Variants in CAMTA1 observed in about 807,000 individuals in gnomAD.
The protein encoded by CAMTA1 is calmodulin binding transcription activator 1.
CAMTA1 carries 27 observed loss-of-function variants against 170.9 expected under a neutral mutation model. That is an observed-to-expected ratio of 0.16 (90% CI 0.12 to 0.22). The LOEUF is 0.22. Ranked by LOEUF, CAMTA1 falls within the 10% of genes least tolerant of loss-of-function variation. The pLI is 1.00. For synonymous variants in CAMTA1, 833 were observed against 891.5 expected, an observed-to-expected ratio of 0.93 and a Z score of 1.17; for missense variants, 1,619 against 2,217.2, an observed-to-expected ratio of 0.73 and a Z score of 5.42.
intron 5 of CAMTA1, among the ~76,000 whole-genome samples, chr1:7,339,549 C>T (rs953888342): frequency 2.0e-5 from 3 of 152,118 alleles, no homozygotes; most frequent in Admixed American, 2.0e-4. Flanking sequence ...TCTCAAAGCA[C>T]GTTCATGCTG....
intron 3 of CAMTA1, chr1:6,888,303 A>G: frequency 1.0e-6 from 1 of 959,406 alleles, no homozygotes. Flanking sequence ...TTTGGAAAGA[A>G]GCATAAAGCT....
In CAMTA1 at chr1:7,661,790, G is replaced by A; in HGVS notation, c.729G>A (p.Leu243=). 6.2e-7 allele frequency: 1 copy of A among 1,613,282 alleles called. No homozygotes were observed. The highest frequency in any genetic ancestry group is 8.5e-7 in the Non-Finnish European group (1 of 1,179,816). Residue 243 remains leucine (L), a synonymous_variant, in exon 8 of 23, where the codon CTG becomes CTA. Transcript: ENST00000303635. ...GCTCAGGCTTCTCGGTGGAACAGCT[G>A]GTGCAGCAGATCCTCGACAGCCACC... ...NSSSGFSVEQ[L]VQQILDSHQT... is the part of the protein sequence containing the mutation.
intron 3 of CAMTA1, among the ~76,000 whole-genome samples, chr1:6,881,180 T>C (rs1306417757): frequency 6.6e-6 from 1 of 152,210 alleles, no homozygotes. Context: ...CTGTGGTATT[T>C]TGTTTCTCTT....
chr1:6,824,134 T>C (rs1009235665), intron 2 of CAMTA1, among the ~76,000 whole-genome samples: 8 of 152,182 alleles, frequency 5.3e-5, no homozygotes, highest in Non-Finnish European at 1.0e-4. Flanking sequence ...GATGTTTTAA[T>C]GTGCAGCTCC....
chr1:7,687,173 A>G (rs1057282510), intron 11 of CAMTA1, among the ~76,000 whole-genome samples: 1 of 151,742 alleles, frequency 6.6e-6, no homozygotes, highest in African/African-American at 2.4e-5. Context: ...AGCAGAGGAG[A>G]GGCTGCAGGA....
At position 7,007,827 on chromosome 1, in the gene CAMTA1, C is replaced by G. The variant is rs1029288208; in HGVS notation, c.235-83477C>G. The stretch of plus-strand genomic sequence containing the variant: ...CCAGGGAGCATTCCATCAGCCCCAC[C>G]TCTCCAGAGGCCCGGCACACAGTAG... On this transcript the variant is annotated intron_variant, in intron 3 of 22. Transcript: ENST00000303635. This position sits in a 1 kb window ranked among gnomAD's most constrained non-coding sequence, Gnocchi z 4.5. Among the ~76,000 whole-genome samples the G allele has an allele frequency of 7.2e-5, 11 of 152,220 alleles. No individual in the cohort carries two copies. The highest frequency in any genetic ancestry group is 2.9e-5 in the Non-Finnish European group (2 of 68,044).
chr1:7,051,563 C>A (rs1156931018), intron 3 of CAMTA1, among the ~76,000 whole-genome samples: 4 of 151,936 alleles, frequency 2.6e-5, no homozygotes, highest in African/African-American at 9.7e-5. Flanking sequence ...TCTTGAGCTG[C>A]TTCAGGTGCC....
rs1327510997 is a variant in CAMTA1, at chr1:7,299,767, G to C, written c.438+50141G>C. 6.6e-6 allele frequency among the ~76,000 whole-genome samples: 1 copy of C among 152,162 alleles called. No individual in the cohort carries two copies. The highest frequency in any genetic ancestry group is 2.4e-5 in the African/African-American group (1 of 41,438). The stretch of plus-strand genomic sequence containing the variant: ...ACCCCTCACTGAGACAGGATTTCTA[G>C]CCCCTCTCTTTGGTTTGTGTCATTT... On this transcript the variant is annotated intron_variant, in intron 5 of 22. Coordinates refer to ENST00000303635, the MANE Select transcript of CAMTA1 (RefSeq NM_015215.4). The surrounding 1 kb of genome is among the most constrained non-coding windows in gnomAD (Gnocchi z 4.7).
intron 6 of CAMTA1, among the ~76,000 whole-genome samples, chr1:7,484,960 G>A (rs894534097): frequency 6.6e-6 from 1 of 152,114 alleles, no homozygotes; most frequent in African/African-American, 2.4e-5. Flanking sequence ...CCAGGCCACT[G>A]CTTCCAGCAT....
At chr1:6,908,927 G>T (rs1314368139) in intron 3 of CAMTA1, among the ~76,000 whole-genome samples, 6 of 152,236 alleles carry the variant, frequency 3.9e-5, no homozygotes, top group Non-Finnish European at 8.8e-5. Context: ...TGAGTATTGA[G>T]AAGTCATGGC....
chr1:6,802,683 A>G (rs1273952632), intron 1 of CAMTA1, among the ~76,000 whole-genome samples: 2 of 152,056 alleles, frequency 1.3e-5, no homozygotes, highest in East Asian at 3.9e-4. Flanking sequence ...TGTGTGGAGT[A>G]AGTTAGTGGT....
At chr1:7,726,876 A>C (rs2096691300) in intron 11 of CAMTA1, among the ~76,000 whole-genome samples, 1 of 152,174 alleles carries the variant, frequency 6.6e-6, no homozygotes, top group Non-Finnish European at 1.5e-5. Context: ...TGTGGCCTTG[A>C]GCCACCTCTG....
chr1:6,975,246 C>T (rs1299454147), intron 3 of CAMTA1, among the ~76,000 whole-genome samples: 1 of 152,218 alleles, frequency 6.6e-6, no homozygotes, highest in Admixed American at 6.5e-5. Flanking sequence ...GTTGTCCCTG[C>T]TCTTGCGGGG....
chr1:7,428,137 G>T (rs910684458), intron 5 of CAMTA1, among the ~76,000 whole-genome samples: 1 of 152,148 alleles, frequency 6.6e-6, no homozygotes, highest in South Asian at 2.1e-4. Context: ...GAGGGTGGGG[G>T]CAGGAAGTCC....
At chr1:7,757,542 G>A (rs760099992) in intron 22 of CAMTA1, among the ~76,000 whole-genome samples, 3 of 152,066 alleles carry the variant, frequency 2.0e-5, no homozygotes, top group East Asian at 1.9e-4. Flanking sequence ...CGAGGCAGCC[G>A]GATCACTTGA....
intron 18 of CAMTA1, 116 bp downstream of exon 18, chr1:7,746,207 A>G: frequency 1.5e-6 from 2 of 1,293,304 alleles, no homozygotes; most frequent in South Asian, 3.0e-5. Flanking sequence ...CTGAATTTGT[A>G]GAATTTTTTT....
At chr1:7,020,529 G>A (rs6577404) in intron 3 of CAMTA1, among the ~76,000 whole-genome samples, 97,200 of 152,094 alleles carry the variant, frequency 0.64, 32,458 homozygotes, top group African/African-American at 0.85. Context: ...CTCAGAATGT[G>A]TCCTTGTCAT....
intron 3 of CAMTA1, among the ~76,000 whole-genome samples, chr1:7,012,295 C>G (rs976464521): frequency 6.6e-6 from 1 of 152,126 alleles, no homozygotes; most frequent in Non-Finnish European, 1.5e-5. Context: ...GTTGACCTTG[C>G]CAGGTAGAGA....
chr1:7,735,811 A>G (rs2096768008), intron 12 of CAMTA1, among the ~76,000 whole-genome samples: 1 of 151,904 alleles, frequency 6.6e-6, no homozygotes, highest in Admixed American at 6.6e-5. Context: ...TTGCTCTGTC[A>G]CCCAGGCTGG....
Sources: gnomAD v4.1 joint callset for allele counts (sites outside exome capture counted in the v4.1 genomes callset) on GRCh38, gnomAD v4.1.1 for gene constraint, Gnocchi (gnomAD v3.1) non-coding constraint, MANE v1.5 for transcripts, NCBI Gene and HGNC (gene_info 2026-07-23, HGNC 2026-07-21) for gene names.